Variants in DLG2 observed in about 807,000 individuals in gnomAD.
DLG2 encodes discs large MAGUK scaffold protein 2, also known as disks large homolog 2.
A neutral mutation model predicts 132.5 loss-of-function variants in DLG2; 45 were observed. The observed-to-expected ratio is 0.34, with a 90% CI of 0.27 to 0.44. The LOEUF (loss-of-function observed/expected upper bound fraction) is 0.44. Among genes scored for constraint, DLG2 ranks in the 20% least tolerant of loss-of-function variants. The pLI is 1.00. For missense variants in DLG2, 1,045 were observed against 1,196.9 expected (o/e 0.87, Z 1.87); for synonymous variants, 424 against 419.6 (o/e 1.01, Z -0.13).
At chr11:85,012,542 A>G (rs927854516) in intron 6 of DLG2, among the ~76,000 whole-genome samples, 1 of 152,024 alleles carries the variant, frequency 6.6e-6, no homozygotes, top group Non-Finnish European at 1.5e-5. Flanking sequence ...AAAAAATACA[A>G]TGTGATAGGC....
chr11:83,510,830 G>GCTTTTTTTTTT (rs1555133618), intron 21 of DLG2, among the ~76,000 whole-genome samples: 1 of 88,776 alleles, frequency 1.1e-5, no homozygotes, highest in Non-Finnish European at 2.1e-5. Flanking sequence ...TGAACCATCC[G>GCTTTTTTTTTT]TTTTTTTTTT....
chr11:84,074,571 C>T (rs1478922867), intron 10 of DLG2, among the ~76,000 whole-genome samples: 2 of 150,136 alleles, frequency 1.3e-5, no homozygotes, highest in Non-Finnish European at 2.9e-5. Context: ...CTCTGTCGCC[C>T]AGGCTGGAGT....
At chr11:84,554,794 C>T (rs923708630) in intron 6 of DLG2, among the ~76,000 whole-genome samples, 5 of 152,016 alleles carry the variant, frequency 3.3e-5, no homozygotes, top group African/African-American at 1.2e-4. Flanking sequence ...AAATAAGATG[C>T]TCCAAGAGAG....
chr11:84,743,275 T>C (rs1303994559), intron 6 of DLG2, among the ~76,000 whole-genome samples: 3 of 152,184 alleles, frequency 2.0e-5, no homozygotes, highest in Non-Finnish European at 2.9e-5. Context: ...AATTCATATC[T>C]ATTAACACTG....
chr11:84,044,519 T>C (rs982804534), intron 11 of DLG2, among the ~76,000 whole-genome samples: 3 of 151,696 alleles, frequency 2.0e-5, no homozygotes, highest in African/African-American at 7.3e-5. Flanking sequence ...GCCTGAGCAA[T>C]AGCTGGCAAG....
At chr11:84,792,343 G>T (rs1419147897) in intron 6 of DLG2, among the ~76,000 whole-genome samples, 1 of 151,964 alleles carries the variant, frequency 6.6e-6, no homozygotes, top group Non-Finnish European at 1.5e-5. Flanking sequence ...CTAGTATTTT[G>T]CTGAGTATTT....
chr11:84,087,370 C>T (rs563553529), intron 10 of DLG2, among the ~76,000 whole-genome samples: 1 of 152,198 alleles, frequency 6.6e-6, no homozygotes, highest in South Asian at 2.1e-4. Flanking sequence ...TGGTATCTCC[C>T]TGTACTTTTG....
intron 11 of DLG2, among the ~76,000 whole-genome samples, chr11:83,999,683 A>T (rs533144882): frequency 6.6e-6 from 1 of 152,178 alleles, no homozygotes; most frequent in Non-Finnish European, 1.5e-5. Flanking sequence ...CCCACTCCCC[A>T]GTAGAACTTC....
chr11:83,726,505 G>A (rs528151746), intron 18 of DLG2, among the ~76,000 whole-genome samples: 1 of 152,268 alleles, frequency 6.6e-6, no homozygotes, highest in Admixed American at 6.5e-5. Flanking sequence ...TATTGAGTCT[G>A]CCAATCATAC....
chr11:85,144,795 T>C lies in DLG2; in HGVS notation c.282+9761A>G, dbSNP rs1222252402. On this transcript the variant is annotated intron_variant, in intron 5 of 27. Transcript: ENST00000376104. ...TACTATCTATTTCTTAGAAATATGT[T>C]GTAGTTATTATTTTTGATTAGTTCT... 2.6e-5 allele frequency among the ~76,000 whole-genome samples: 4 copies of C among 152,044 alleles called. 1 individual carries two copies. In the South Asian group the frequency reaches 8.3e-4, roughly 31 times the overall value.
At chr11:84,623,049 C>G (rs2099616600) in intron 6 of DLG2, among the ~76,000 whole-genome samples, 1 of 152,174 alleles carries the variant, frequency 6.6e-6, no homozygotes. Context: ...CATTCAGTCT[C>G]TCTGCTTTCC....
At chr11:85,299,306 T>C (rs552943235) in intron 3 of DLG2, among the ~76,000 whole-genome samples, 13 of 152,208 alleles carry the variant, frequency 8.5e-5, no homozygotes, top group Non-Finnish European at 1.6e-4. Flanking sequence ...CTCCAAAGCC[T>C]GTGGCCTTAA....
chr11:85,243,846 A>C (rs2076010265), intron 4 of DLG2, among the ~76,000 whole-genome samples: 1 of 152,018 alleles, frequency 6.6e-6, no homozygotes, highest in South Asian at 2.1e-4. Flanking sequence ...ATTGAGAGAC[A>C]GAATGACATG....
Position 84,727,500 on chromosome 11 carries a change from T to C in DLG2, c.358-192769A>G, listed in dbSNP as rs182765335. 2.0e-5 allele frequency among the ~76,000 whole-genome samples: 3 copies of C among 152,302 alleles called. No homozygotes were observed. In the East Asian group the frequency reaches 5.8e-4, roughly 29 times the overall value. On this transcript the variant is annotated intron_variant, in intron 6 of 27. Transcript: ENST00000376104. The stretch of plus-strand genomic sequence containing the variant: ...CATGCTGTTTTGGTTACTGTAGCCT[T>C]GTAGTACAGTGTGAAGTAAGATAGC...
chr11:85,128,131 T>TATAC, intron 5 of DLG2, among the ~76,000 whole-genome samples: 1 of 152,310 alleles, frequency 6.6e-6, no homozygotes, highest in East Asian at 1.9e-4. Flanking sequence ...ATTAACCTGT[T>TATAC]ATACATAATA....
At chr11:84,000,206 T>C (rs2094272895) in intron 11 of DLG2, among the ~76,000 whole-genome samples, 1 of 152,024 alleles carries the variant, frequency 6.6e-6, no homozygotes, top group African/African-American at 2.4e-5. Flanking sequence ...ATTCTGAAAC[T>C]GACAAATTCA....
At chr11:84,096,249 G>A (rs2097163593) in intron 10 of DLG2, among the ~76,000 whole-genome samples, 1 of 151,528 alleles carries the variant, frequency 6.6e-6, no homozygotes, top group African/African-American at 2.4e-5. Context: ...TACTGAAGTA[G>A]AAGATTGTGT....
intron 8 of DLG2, among the ~76,000 whole-genome samples, chr11:84,215,875 C>T (rs978614141): frequency 1.6e-4 from 25 of 152,278 alleles, no homozygotes; most frequent in African/African-American, 5.3e-4. Flanking sequence ...AAATTGAATG[C>T]ATTCCAATTG....
At chr11:84,393,774 T>G (rs2098801226) in intron 7 of DLG2, among the ~76,000 whole-genome samples, 1 of 152,224 alleles carries the variant, frequency 6.6e-6, no homozygotes, top group South Asian at 2.1e-4. Flanking sequence ...ACCCTTGAAA[T>G]TATAACGTTT....
Sources: gnomAD v4.1 joint callset for allele counts (sites outside exome capture counted in the v4.1 genomes callset) on GRCh38, gnomAD v4.1.1 for gene constraint, MANE v1.5 for transcripts, NCBI Gene and HGNC (gene_info 2026-07-23, HGNC 2026-07-21) for gene names.